SLIT2: variants seen among roughly 807,000 people sequenced by gnomAD.
SLIT2 encodes the protein slit guidance ligand 2.
Under a neutral mutation model 185.7 loss-of-function variants are expected in SLIT2, and 41 were observed. The observed-to-expected ratio is 0.22, with a 90% confidence interval of 0.17 to 0.29. The LOEUF (loss-of-function observed/expected upper bound fraction) is 0.29, where lower values mean the gene tolerates loss of function less well. Among genes scored for constraint, SLIT2 ranks in the 10% least tolerant of loss-of-function variants. The pLI, the probability that SLIT2 is intolerant of heterozygous loss-of-function variation, is 1.00. For synonymous variants in SLIT2, 693 were observed against 680.2 expected, an observed-to-expected ratio of 1.02 and a Z score of -0.29; for missense variants, 1,571 against 1,909.0, an observed-to-expected ratio of 0.82 and a Z score of 3.30.
intron 9 of SLIT2, among the ~76,000 whole-genome samples, chr4:20,500,879 T>C (rs1718670659): frequency 6.6e-6 from 1 of 152,206 alleles, no homozygotes; most frequent in African/African-American, 2.4e-5. Flanking sequence ...TCCTATGTAC[T>C]ATGAAAGTAC....
chr4:20,341,218 T>C (rs768787462), intron 4 of SLIT2, among the ~76,000 whole-genome samples: 19 of 152,210 alleles, frequency 1.2e-4, no homozygotes, highest in Non-Finnish European at 1.9e-4. Context: ...GCATAGACTT[T>C]AGCAAAGGAG....
chr4:20,562,021 A>T (rs752181277), intron 26 of SLIT2, among the ~76,000 whole-genome samples: 2 of 151,810 alleles, frequency 1.3e-5, no homozygotes, highest in Non-Finnish European at 2.9e-5. Context: ...CCAAAGTCAC[A>T]TGTAGGTGTT....
At chr4:20,422,623 G>T (rs964097959) in intron 4 of SLIT2, among the ~76,000 whole-genome samples, 1 of 152,188 alleles carries the variant, frequency 6.6e-6, no homozygotes, top group South Asian at 2.1e-4. Context: ...TGGGCAGAAG[G>T]GGGCATGAGA....
chr4:20,463,726 AT>A (rs1234020986), intron 4 of SLIT2, among the ~76,000 whole-genome samples: 1 of 150,906 alleles, frequency 6.6e-6, no homozygotes, highest in East Asian at 2.0e-4. Flanking sequence ...TACAAAAAAA[AT>A]TAGCCGGGCT....
chr4:20,508,101 C>A (rs948719454), intron 9 of SLIT2, among the ~76,000 whole-genome samples: 3 of 151,930 alleles, frequency 2.0e-5, no homozygotes, highest in African/African-American at 7.2e-5. Context: ...TTCTTATGAC[C>A]TAGATAAATA....
chr4:20,436,733 C>T (rs1464401055), intron 4 of SLIT2, among the ~76,000 whole-genome samples: 1 of 152,202 alleles, frequency 6.6e-6, no homozygotes, highest in African/African-American at 2.4e-5. Flanking sequence ...CAAGGTACAA[C>T]CATGAAGCGG....
chr4:20,418,199 G>A (rs28579259), intron 4 of SLIT2, among the ~76,000 whole-genome samples: 33,013 of 152,082 alleles, frequency 0.22, 3,841 homozygotes, highest in Non-Finnish European at 0.27. Context: ...ACAGGATCAC[G>A]CTTTTTTCAC....
chr4:20,263,512 A>T (rs1226726652), intron 3 of SLIT2, among the ~76,000 whole-genome samples: 1 of 151,706 alleles, frequency 6.6e-6, no homozygotes, highest in African/African-American at 2.4e-5. Context: ...TATTTTATCT[A>T]CTGATGCTTG....
At chr4:20,312,194 A>G (rs1357281427) in intron 4 of SLIT2, among the ~76,000 whole-genome samples, 2 of 152,184 alleles carry the variant, frequency 1.3e-5, no homozygotes, top group African/African-American at 2.4e-5. Flanking sequence ...ACTGTGTTAA[A>G]TATTTCGCTT....
At chr4:20,255,168 G>A (rs1711673648) in intron 1 of SLIT2, 1 of 399,142 alleles carries the variant, frequency 2.5e-6, no homozygotes, top group South Asian at 1.8e-5. Flanking sequence ...GATTCGTCCC[G>A]CGGCCTCTTT....
chr4:20,400,272 TG>T (rs1262916165), intron 4 of SLIT2, among the ~76,000 whole-genome samples: 1 of 151,560 alleles, frequency 6.6e-6, no homozygotes, highest in Non-Finnish European at 1.5e-5. Flanking sequence ...TAAAAGTGGG[TG>T]TGGAGAAATG....
chr4:20,592,405 G>C (rs1213609427), intron 30 of SLIT2, among the ~76,000 whole-genome samples: 8 of 152,084 alleles, frequency 5.3e-5, no homozygotes, highest in Admixed American at 3.9e-4. Flanking sequence ...TCAGATAATA[G>C]AGTTGAAGGA....
chr4:20,477,134 C>T (rs1156491440), intron 5 of SLIT2, among the ~76,000 whole-genome samples: 2 of 138,478 alleles, frequency 1.4e-5, no homozygotes, highest in Non-Finnish European at 3.0e-5. Context: ...TCTAGGGCAT[C>T]AGAAGATATA....
Position 20,253,720 on chromosome 4 carries a change from C to T in SLIT2, c.-96C>T. 6.9e-7 allele frequency: 1 copy of T among 1,457,662 alleles called. No homozygotes were observed. Among genetic ancestry groups the T allele is most frequent in the Non-Finnish European group, 9.3e-7 (1 of 1,075,028 alleles). The allele number at this position is 1,457,662 out of a possible 1,614,324, so 90.3% of individuals were successfully genotyped here. A position where few individuals can be genotyped will look rare whatever the true frequency, so the allele number is the denominator to read the frequency against. ...CCCTGGCACTCTGGGTTGCTAGCCC[C>T]GCCGGGCACTGGGCCTCAGACACTG... On this transcript the variant is annotated 5_prime_UTR_variant, in exon 1 of 37. Coordinates refer to ENST00000504154, the MANE Select transcript of SLIT2 (RefSeq NM_004787.4).
At chr4:20,416,278 G>T (rs1170522376) in intron 4 of SLIT2, among the ~76,000 whole-genome samples, 2 of 152,130 alleles carry the variant, frequency 1.3e-5, no homozygotes, top group African/African-American at 4.8e-5. Flanking sequence ...TTGACATCGG[G>T]TTCCTGACTT....
intron 4 of SLIT2, among the ~76,000 whole-genome samples, chr4:20,325,162 T>G (rs904400600): frequency 2.0e-5 from 3 of 151,888 alleles, no homozygotes; most frequent in African/African-American, 7.3e-5. Context: ...TACCCTCATC[T>G]TATCTTTCGC....
Position 20,346,931 on chromosome 4 carries a change from C to T in SLIT2, c.395+78050C>T, listed in dbSNP as rs192518122. On this transcript the variant is annotated intron_variant, in intron 4 of 36. Transcript: ENST00000504154. ...AAGCTGGCCCCTGATTAGATGGTACCCACCCGGATTGAGGATGGGTCTGTC... is the reference window on the plus strand; with the variant it reads ...AAGCTGGCCCCTGATTAGATGGTACTCACCCGGATTGAGGATGGGTCTGTC... Among the ~76,000 whole-genome samples, 306 of 152,224 alleles carry T rather than the reference C, an allele frequency of 2.0e-3. 1 individual carries two copies. The highest frequency in any genetic ancestry group is 3.7e-3 in the Non-Finnish European group (252 of 68,014).
intron 11 of SLIT2, among the ~76,000 whole-genome samples, chr4:20,518,817 A>G: frequency 6.8e-6 from 1 of 146,726 alleles, no homozygotes; most frequent in East Asian, 2.0e-4. Flanking sequence ...TGTGTTAGCC[A>G]GGATGGTCTC....
At chr4:20,417,476 GTACATATACGTATATA>G (rs1727786055) in intron 4 of SLIT2, among the ~76,000 whole-genome samples, 1 of 125,868 alleles carries the variant, frequency 7.9e-6, no homozygotes, top group Non-Finnish European at 1.8e-5. Context: ...ATATGTGTGT[GTACATATACGTATATA>G]TACATATACA....
Sources: gnomAD v4.1 joint callset for allele counts (sites outside exome capture counted in the v4.1 genomes callset) on GRCh38, gnomAD v4.1.1 for gene constraint, MANE v1.5 for transcripts, NCBI Gene and HGNC (gene_info 2026-07-23, HGNC 2026-07-21) for gene names.